The following STMN1 variants were observed in gnomAD, a reference collection of about 807,000 sequenced individuals.
The protein encoded by STMN1 is stathmin 1, also known as stathmin.
In STMN1, 3 loss-of-function variants were observed where a neutral mutation model predicts 19.7. The ratio of observed to expected loss-of-function variants is 0.15; its 90% CI spans 0.07 to 0.39. The LOEUF (loss-of-function observed/expected upper bound fraction) is 0.39, where lower values mean the gene tolerates loss of function less well. Ranked by LOEUF, STMN1 falls within the 10% of genes least tolerant of loss-of-function variation. The pLI is 1.00. For missense variants in STMN1, 99 were observed against 176.0 expected (o/e 0.56, Z 2.48); for synonymous variants, 59 against 58.9 (o/e 1.00, Z -0.01).
intron 1 of STMN1, 44 bp from the exon 2 acceptor site, chr1:25,904,782 T>A: frequency 6.6e-7 from 1 of 1,524,452 alleles, no homozygotes; most frequent in South Asian, 1.2e-5. Context: ...TCTTTGCCTT[T>A]CTATATGTCA....
At chr1:25,890,028 C>G (rs1410088750) in intron 4 of STMN1, among the ~76,000 whole-genome samples, 1 of 152,202 alleles carries the variant, frequency 6.6e-6, no homozygotes, top group Non-Finnish European at 1.5e-5. Flanking sequence ...CTTCTCCCCC[C>G]AGGATGTAAA....
chr1:25,903,527 A>G (rs2048899764), intron 3 of STMN1, 114 bp downstream of exon 3: 1 of 1,368,902 alleles, frequency 7.3e-7, no homozygotes, highest in Non-Finnish European at 1.0e-6. Flanking sequence ...AGTCACTGGC[A>G]TATGTAATAA....
At chr1:25,903,447 G>T (rs1258140476) in intron 3 of STMN1, 194 bp downstream of exon 3, 6 of 677,646 alleles carry the variant, frequency 8.9e-6, no homozygotes, top group Non-Finnish European at 1.4e-5. Flanking sequence ...ATGTATTAAA[G>T]GAGAAAAATA....
intron 4 of STMN1, among the ~76,000 whole-genome samples, chr1:25,894,307 T>C (rs539755630): frequency 3.9e-5 from 6 of 152,172 alleles, no homozygotes; most frequent in Admixed American, 1.3e-4. Flanking sequence ...TGTTGGGGAC[T>C]GGAGAGATGG....
chr1:25,885,851 C>T (rs576367790), exon 5 of STMN1: 80 of 1,549,466 alleles, frequency 5.2e-5, no homozygotes, highest in African/African-American at 3.3e-4. Flanking sequence ...GCCCCAGGCC[C>T]GTGAGTCCAG....
At chr1:25,903,924 T>G in intron 2 of STMN1, 111 bp from the exon 3 acceptor site, 6 of 1,151,966 alleles carry the variant, frequency 5.2e-6, no homozygotes, top group Non-Finnish European at 7.1e-6. Flanking sequence ...CTAGGGCTGA[T>G]GAGGAAAGTT....
Position 25,901,022 on chromosome 1 carries a change from A to C in STMN1, c.444T>G (p.Ala148=). Residue 148 remains alanine, a synonymous_variant, in exon 5 of 5, where the codon GCT becomes GCG. Transcript: ENST00000455785. ...AGTCAGTTCTCAGAACAAATTAGTC[A>C]GCTTCAGTCTCGTCAGCAGGGTCTT... is the stretch of plus-strand genomic sequence containing the variant. ...ESKDPADETE[A]D The C allele has an allele frequency of 6.2e-7, 1 of 1,613,038 alleles. No homozygotes were observed. The highest frequency in any genetic ancestry group is 1.1e-5 in the South Asian group (1 of 91,036).
chr1:25,900,447 G>C lies in STMN1; in HGVS notation c.*569C>G, dbSNP rs1204025286. ...GGGCAAGAAACGGGGCAGAGAACGTGCGGTCATTTGTGCGTTGGGTATTTC... is the reference window on the plus strand; with the variant it reads ...GGGCAAGAAACGGGGCAGAGAACGTCCGGTCATTTGTGCGTTGGGTATTTC... On this transcript the variant is annotated 3_prime_UTR_variant, in exon 5 of 5. Transcript: ENST00000455785. 1.0e-6 allele frequency: 1 copy of C among 985,744 alleles called. No individual in the cohort carries two copies. The highest frequency in any genetic ancestry group is 1.7e-5 in the African/African-American group (1 of 57,224). The allele number at this position is 985,744 out of a possible 1,614,324, so 61.1% of individuals were successfully genotyped here.
At chr1:25,885,226 A>T (rs1395493355), downstream of STMN1, 1 of 153,782 alleles carries the variant, frequency 6.5e-6, no homozygotes, top group African/African-American at 2.4e-5. Context: ...CCCACCAGGG[A>T]CCTTGCCCTG....
intron 3 of STMN1, 72 bp downstream of exon 3, chr1:25,903,569 T>C (rs1439728945): frequency 6.3e-7 from 1 of 1,576,800 alleles, no homozygotes; most frequent in South Asian, 1.2e-5. Flanking sequence ...GTTTTCTTCC[T>C]GTTATAGAAA....
chr1:25,901,117 CAAAAAA>C (rs58316569), intron 4 of STMN1, 30 bp from the exon 5 acceptor site: 3,183 of 1,198,164 alleles, frequency 2.7e-3, no homozygotes, highest in Admixed American at 7.3e-3. Context: ...TGTCATCAGT[CAAAAAA>C]AAAAAAAAAA....
chr1:25,884,189 A>C (rs529961216), downstream of STMN1: 1 of 152,332 alleles, frequency 6.6e-6, no homozygotes, highest in East Asian at 1.9e-4. Flanking sequence ...TTCAAACTAC[A>C]AATTTTTAAA....
chr1:25,892,621 A>G lies in STMN1; in HGVS notation c.379-6752T>C, dbSNP rs1572295063. The G allele has an allele frequency of 3.0e-6, 3 of 984,354 alleles. No individual in the cohort carries two copies. In the African/African-American group the frequency reaches 5.3e-5, roughly 17 times the overall value. 61.0% of individuals were successfully genotyped at this position (984,354 alleles called of 1,614,324 possible). A position where few individuals can be genotyped will look rare whatever the true frequency, so the allele number is the denominator to read the frequency against. On this transcript the variant is annotated intron_variant, in intron 4 of 4. Transcript: ENST00000426559. The stretch of plus-strand genomic sequence containing the variant: ...GCTGAGATTCTTGAGATTCTAAACA[A>G]CCGCCTCCCTACACTGAGTCAGAAG...
chr1:25,905,988 C>G (rs934065319), intron 1 of STMN1: 1 of 152,066 alleles, frequency 6.6e-6, no homozygotes, highest in Non-Finnish European at 1.5e-5. Context: ...CCTGGCTGCC[C>G]GCAGTTTGGT....
intron 4 of STMN1, among the ~76,000 whole-genome samples, chr1:25,887,907 G>A (rs1463563531): frequency 2.6e-5 from 4 of 152,160 alleles, no homozygotes; most frequent in East Asian, 1.9e-4. Context: ...GGATGGTCTC[G>A]ATCTCTTGAC....
chr1:25,888,753 T>TC lies in STMN1; in HGVS notation c.379-2885dup, dbSNP rs978712453. On this transcript the variant is annotated intron_variant, in intron 4 of 4. Coordinates refer to the STMN1 transcript ENST00000426559. ...TTATCAAGGACCCACGATCTATCCATCTCCCTGTCCCAGCCATCATGTGAC... is the reference window on the plus strand; with the variant it reads ...TTATCAAGGACCCACGATCTATCCATCCTCCCTGTCCCAGCCATCATGTGAC... Among the ~76,000 whole-genome samples, 31 of 152,136 alleles carry TC rather than the reference T, an allele frequency of 2.0e-4. 1 individual carries two copies. Among genetic ancestry groups the TC allele is most frequent in the Admixed American group, 1.8e-3 (27 of 15,258 alleles).
intron 3 of STMN1, 21 bp from the exon 4 acceptor site, chr1:25,901,703 G>C: frequency 6.3e-7 from 1 of 1,593,754 alleles, no homozygotes; most frequent in Non-Finnish European, 8.5e-7. Flanking sequence ...AAGTTTAATA[G>C]GCTAGGCACT....
At chr1:25,898,271 T>C (rs1479992845), downstream of STMN1, among the ~76,000 whole-genome samples, 1 of 152,224 alleles carries the variant, frequency 6.6e-6, no homozygotes, top group African/African-American at 2.4e-5. Context: ...AGTGCTTTAT[T>C]GGGGTTTGGC....
chr1:25,890,620 G>A (rs1295747681), intron 4 of STMN1, among the ~76,000 whole-genome samples: 3 of 152,186 alleles, frequency 2.0e-5, no homozygotes, highest in African/African-American at 7.2e-5. Context: ...ATAAAAGCAA[G>A]CAGCCCCAGC....
Sources: allele counts gnomAD v4.1 joint callset (sites outside exome capture counted in the v4.1 genomes callset), GRCh38; gene constraint gnomAD v4.1.1; transcripts MANE v1.5; gene names NCBI Gene and HGNC (gene_info 2026-07-23, HGNC 2026-07-21).